Variants in STRBP observed in about 807,000 individuals in gnomAD.
STRBP encodes the protein spermatid perinuclear RNA binding protein.
A neutral mutation model predicts 80.1 loss-of-function variants in STRBP; 13 were observed. The observed-to-expected ratio is 0.16, with a 90% CI of 0.11 to 0.26. The LOEUF (loss-of-function observed/expected upper bound fraction) is 0.26. STRBP is among the 10% of genes least tolerant of loss of function. STRBP has a pLI of 1.00. For missense variants in STRBP, 485 were observed against 815.2 expected (o/e 0.59, Z 4.93); for synonymous variants, 284 against 291.2 (o/e 0.98, Z 0.25).
At chr9:123,160,239 T>C (rs1356486466) in intron 8 of STRBP, 128 bp downstream of exon 8, 4 of 525,848 alleles carry the variant, frequency 7.6e-6, no homozygotes, top group Non-Finnish European at 1.2e-5. Flanking sequence ...TTTTTTTTCA[T>C]GGCAAACATA....
Position 123,123,218 on chromosome 9 carries a change from A to G in STRBP, c.*2379T>C. ...GGCTGTCAATGAAAAAACCACCTAC[A>G]GTGGAGAAAAGAGCAGAGAAGCAAA... is the stretch of plus-strand genomic sequence containing the variant. On this transcript the variant is annotated 3_prime_UTR_variant, in exon 19 of 19. Coordinates refer to ENST00000348403, the MANE Select transcript of STRBP (RefSeq NM_018387.5). The G allele has an allele frequency of 1.0e-6, 1 of 985,422 alleles. No homozygotes were observed. Among genetic ancestry groups the G allele is most frequent in the Non-Finnish European group, 1.2e-6 (1 of 829,936 alleles). The allele number at this position is 985,422 out of a possible 1,614,324, so 61.0% of individuals were successfully genotyped here.
chr9:123,259,003 T>C (rs1279919634), intron 1 of STRBP, among the ~76,000 whole-genome samples: 5 of 150,472 alleles, frequency 3.3e-5, no homozygotes, highest in Non-Finnish European at 4.4e-5. Flanking sequence ...ATCTGACTTA[T>C]CTTTTTTAAA....
At chr9:123,119,036 G>C (rs2035689306), downstream of STRBP, among the ~76,000 whole-genome samples, 1 of 152,200 alleles carries the variant, frequency 6.6e-6, no homozygotes, top group Admixed American at 6.5e-5. Flanking sequence ...TTTTCTCTAA[G>C]ACTAATAGGC....
intron 2 of STRBP, among the ~76,000 whole-genome samples, chr9:123,234,626 G>GT (rs1442405448): frequency 1.3e-5 from 2 of 152,070 alleles, no homozygotes; most frequent in Non-Finnish European, 2.9e-5. Flanking sequence ...TTTTTCAAAA[G>GT]TAATAGTATA....
intron 2 of STRBP, among the ~76,000 whole-genome samples, chr9:123,229,990 G>T (rs568740386): frequency 6.6e-6 from 1 of 152,182 alleles, no homozygotes; most frequent in Non-Finnish European, 1.5e-5. Flanking sequence ...AGATTAGGAG[G>T]AGAGTCAGAT....
At chr9:123,130,053 C>T (rs1481192352) in intron 17 of STRBP, among the ~76,000 whole-genome samples, 1 of 152,152 alleles carries the variant, frequency 6.6e-6, no homozygotes, top group Non-Finnish European at 1.5e-5. Flanking sequence ...ATACCAAAAC[C>T]TCCTTAAGAA....
intron 2 of STRBP, among the ~76,000 whole-genome samples, chr9:123,217,917 C>T (rs2039947532): frequency 6.6e-6 from 1 of 152,226 alleles, no homozygotes; most frequent in African/African-American, 2.4e-5. Context: ...ATTTCAATGG[C>T]TTTATACAAT....
intron 2 of STRBP, among the ~76,000 whole-genome samples, chr9:123,219,089 G>GT (rs2039990589): frequency 8.7e-6 from 1 of 114,888 alleles, no homozygotes; most frequent in South Asian, 2.2e-4. Context: ...AATAATCACT[G>GT]TATCACCCCG....
intron 3 of STRBP, chr9:123,111,383 A>G (rs779140961): frequency 1.7e-5 from 5 of 292,522 alleles, no homozygotes; most frequent in Non-Finnish European, 3.5e-5. Flanking sequence ...GCTATCTAAA[A>G]CTCCTACTCC....
intron 14 of STRBP, among the ~76,000 whole-genome samples, chr9:123,138,928 G>A (rs1243012959): frequency 2.0e-5 from 3 of 152,152 alleles, no homozygotes; most frequent in African/African-American, 7.2e-5. Flanking sequence ...TACATAGAAT[G>A]CAGTAAACAT....
At position 123,228,917 on chromosome 9, in the gene STRBP, C is replaced by T. The variant is rs553607605; in HGVS notation, c.-165+7913G>A. Among the ~76,000 whole-genome samples, 3 of 152,234 alleles carry T rather than the reference C, an allele frequency of 2.0e-5. No homozygotes were observed. The South Asian group carries it at 6.2e-4, about 32-fold the overall frequency. ...TTCACGGCGGCATTTTTTGTAACAG[C>T]CAAAATGTGGAACCACCTAAACGTC... On this transcript the variant is annotated intron_variant, in intron 2 of 18. Transcript: ENST00000348403.
chr9:123,179,959 T>C (rs949054539), intron 3 of STRBP, among the ~76,000 whole-genome samples: 27 of 151,948 alleles, frequency 1.8e-4, no homozygotes, highest in African/African-American at 5.1e-4. Context: ...CCTTAGAAAA[T>C]TGAGATTTCA....
intron 12 of STRBP, 25 bp from the exon 13 acceptor site, chr9:123,147,079 C>T: frequency 1.3e-6 from 2 of 1,582,308 alleles, no homozygotes; most frequent in Non-Finnish European, 1.7e-6. Flanking sequence ...GGAATGAGGT[C>T]AGAAATTAAC....
intron 2 of STRBP, among the ~76,000 whole-genome samples, chr9:123,203,396 C>T (rs1000158278): frequency 1.3e-5 from 2 of 151,968 alleles, no homozygotes; most frequent in Admixed American, 6.6e-5. Context: ...CATTCCTCTG[C>T]TCAAAACCTT....
chr9:123,162,776 A>T (rs1386456595), intron 6 of STRBP, among the ~76,000 whole-genome samples: 1 of 152,232 alleles, frequency 6.6e-6, no homozygotes, highest in Non-Finnish European at 1.5e-5. Flanking sequence ...AAAAAGGATT[A>T]TTACTCTGAT....
intron 2 of STRBP, among the ~76,000 whole-genome samples, chr9:123,194,103 C>T (rs557407365): frequency 6.6e-6 from 1 of 152,054 alleles, no homozygotes; most frequent in East Asian, 1.9e-4. Context: ...CAAGTAGGAG[C>T]CTCAATGAAA....
At chr9:123,130,058 T>C (rs1251572694) in intron 17 of STRBP, among the ~76,000 whole-genome samples, 1 of 152,100 alleles carries the variant, frequency 6.6e-6, no homozygotes, top group African/African-American at 2.4e-5. Context: ...AAAACCTCCT[T>C]AAGAAGAAAT....
At chr9:123,190,687 G>A (rs1057351810) in intron 2 of STRBP, among the ~76,000 whole-genome samples, 1 of 152,180 alleles carries the variant, frequency 6.6e-6, no homozygotes, top group African/African-American at 2.4e-5. Flanking sequence ...AAGAAGATGC[G>A]ACGGCTATAA....
chr9:123,157,707 C>A (rs1395696370), intron 11 of STRBP, among the ~76,000 whole-genome samples: 2 of 151,878 alleles, frequency 1.3e-5, no homozygotes, highest in Non-Finnish European at 2.9e-5. Context: ...TGGGGAAAAG[C>A]CTCTTATAAA....
Sources: allele counts gnomAD v4.1 joint callset (sites outside exome capture counted in the v4.1 genomes callset), GRCh38; gene constraint gnomAD v4.1.1; transcripts MANE v1.5; gene names NCBI Gene and HGNC (gene_info 2026-07-23, HGNC 2026-07-21).